Variants in COPA observed in about 807,000 individuals in gnomAD.
The protein encoded by COPA is coat protein complex I subunit alpha.
A neutral mutation model predicts 158.7 loss-of-function variants in COPA; 10 were observed. The observed-to-expected ratio is 0.06, with a 90% CI of 0.04 to 0.11. The LOEUF (loss-of-function observed/expected upper bound fraction) is 0.11. Ranked by LOEUF, COPA falls within the 10% of genes least tolerant of loss-of-function variation. The pLI is 1.00. For synonymous variants in COPA, 462 were observed against 542.8 expected, an observed-to-expected ratio of 0.85 and a Z score of 2.07; for missense variants, 1,065 against 1,536.7, an observed-to-expected ratio of 0.69 and a Z score of 5.13.
At position 160,338,785 on chromosome 1, in the gene COPA, G is replaced by A. The variant is rs144919115; in HGVS notation, c.228+1124C>T. Reference sequence around the variant, plus strand: ...CCTCTTGGTTCATCTCGAACCCCTCGAATCACTGTTTCCCATACTAACTCT... The same window carrying A: ...CCTCTTGGTTCATCTCGAACCCCTCAAATCACTGTTTCCCATACTAACTCT... On this transcript the variant is annotated intron_variant, in intron 3 of 32. Coordinates refer to ENST00000241704, the MANE Select transcript of COPA (RefSeq NM_004371.4). Among the ~76,000 whole-genome samples, 21 of 152,064 alleles carry A rather than the reference G, an allele frequency of 1.4e-4. 1 individual carries two copies. Among genetic ancestry groups the A allele is most frequent in the Admixed American group, 1.2e-3 (18 of 15,272 alleles).
At chr1:160,292,285 A>G in intron 28 of COPA, 87 bp from the exon 29 acceptor site, 1 of 1,560,876 alleles carries the variant, frequency 6.4e-7, no homozygotes, top group South Asian at 1.2e-5. Flanking sequence ...CCTCATAGCT[A>G]CCCTCCTGTC....
At chr1:160,340,377 AT>A (rs1647983081) in intron 1 of COPA, 83 bp from the exon 2 acceptor site, 2 of 839,564 alleles carry the variant, frequency 2.4e-6, no homozygotes, top group Non-Finnish European at 3.9e-6. Context: ...AAAAAGAAAC[AT>A]CAAGGTTAAT....
chr1:160,325,517 C>T (rs925123024), intron 7 of COPA, 26 bp downstream of exon 7: 3 of 1,569,836 alleles, frequency 1.9e-6, no homozygotes, highest in Non-Finnish European at 2.6e-6. Flanking sequence ...AGCCCATATT[C>T]AGCCCCTGGC....
chr1:160,341,683 C>T (rs1648056936), intron 1 of COPA, among the ~76,000 whole-genome samples: 1 of 152,116 alleles, frequency 6.6e-6, no homozygotes, highest in African/African-American at 2.4e-5. Context: ...AAATCTAAGA[C>T]CCTCCCCCCA....
chr1:160,308,972 C>G, intron 13 of COPA, 129 bp downstream of exon 13: 1 of 703,560 alleles, frequency 1.4e-6, no homozygotes, highest in Non-Finnish European at 2.5e-6. Flanking sequence ...CAATTGTCAG[C>G]AGCACCTGCC....
chr1:160,297,538 T>C lies in COPA; in HGVS notation c.2167+18A>G. 1 of 1,613,138 alleles carries C rather than the reference T, an allele frequency of 6.2e-7. No homozygotes were observed. Among genetic ancestry groups the C allele is most frequent in the Non-Finnish European group, 8.5e-7 (1 of 1,179,270 alleles). On this transcript the variant is annotated intron_variant, in intron 20 of 32. Transcript: ENST00000241704. Reference sequence around the variant, plus strand: ...CCCCCAAGAACCCCTCTTCCCATCCTTAGTTTGAGGGCCTCACCAATCTTC... The same window carrying C: ...CCCCCAAGAACCCCTCTTCCCATCCCTAGTTTGAGGGCCTCACCAATCTTC...
intron 8 of COPA, among the ~76,000 whole-genome samples, chr1:160,319,340 A>G (rs572666089): frequency 7.9e-5 from 12 of 152,014 alleles, no homozygotes; most frequent in African/African-American, 2.7e-4. Flanking sequence ...GGAAATAACA[A>G]TTATAAGTAT....
chr1:160,322,297 T>C (rs1450672219), intron 8 of COPA, among the ~76,000 whole-genome samples: 2 of 152,074 alleles, frequency 1.3e-5, no homozygotes, highest in African/African-American at 4.8e-5. Flanking sequence ...AGGACCCAGA[T>C]ATAAATCCAC....
chr1:160,311,578 T>C, intron 11 of COPA, among the ~76,000 whole-genome samples: 1 of 152,048 alleles, frequency 6.6e-6, no homozygotes, highest in Admixed American at 6.6e-5. Flanking sequence ...TGAAACCGTC[T>C]CTACTAAAAA....
In COPA at chr1:160,290,140, T is replaced by C. The variant is rs748562621; in HGVS notation, c.*17A>G. 5 of 1,613,456 alleles carry C rather than the reference T, an allele frequency of 3.1e-6. No homozygotes were observed. In the South Asian group the frequency reaches 3.3e-5, roughly 11 times the overall value. ...GGGGGAACATATGGTGACTGACCCA[T>C]GCACACAAAGGGGGCCTTAGCGAAA... On this transcript the variant is annotated 3_prime_UTR_variant, in exon 33 of 33. Transcript: ENST00000241704.
rs1658983340 is a variant in COPA, at chr1:160,312,024, G to A, written c.926-6C>T. 2 of 1,611,850 alleles carry A rather than the reference G, an allele frequency of 1.2e-6. No individual in the cohort carries two copies. Among genetic ancestry groups the A allele is most frequent in the South Asian group, 2.2e-5 (2 of 90,728 alleles). ...AATCATACCACCATCATGGCCTGGG[G>A]GACAGGGAGAGGAGGAGAAAAAATT... On this transcript the variant is annotated splice_region_variant and splice_polypyrimidine_tract_variant and intron_variant, in intron 10 of 32. Transcript: ENST00000241704.
At chr1:160,307,297 T>C in intron 13 of COPA, 52 bp from the exon 14 acceptor site, 3 of 1,561,488 alleles carry the variant, frequency 1.9e-6, no homozygotes, top group Non-Finnish European at 2.6e-6. Context: ...CACTGGCAGG[T>C]GACATAGTCG....
At chr1:160,313,564 G>A (rs201728747) in intron 9 of COPA, among the ~76,000 whole-genome samples, 87 of 152,110 alleles carry the variant, frequency 5.7e-4, no homozygotes, top group Non-Finnish European at 9.6e-4. Flanking sequence ...ACAGGCGCCC[G>A]CCACCACGCC....
At chr1:160,291,143 C>A (rs879222601) in intron 31 of COPA, among the ~76,000 whole-genome samples, 192 bp downstream of exon 31, 2 of 152,254 alleles carry the variant, frequency 1.3e-5, no homozygotes, top group South Asian at 4.1e-4. Flanking sequence ...AGTGCCATGT[C>A]TCAATAAACT....
chr1:160,332,439 G>A lies in COPA; in HGVS notation c.496+9C>T. ...TGACCAGGTTGTCCTCTGAACTTGG[G>A]CAGCTCACCAGAAATATCCCAAACG... On this transcript the variant is annotated intron_variant, in intron 6 of 32. Transcript: ENST00000241704. 2 of 1,597,576 alleles carry A rather than the reference G, an allele frequency of 1.3e-6. No individual in the cohort carries two copies. Among genetic ancestry groups the A allele is most frequent in the Non-Finnish European group, 1.7e-6 (2 of 1,171,400 alleles).
At chr1:160,307,342 T>C (rs1296634560) in intron 13 of COPA, 97 bp from the exon 14 acceptor site, 6 of 1,184,710 alleles carry the variant, frequency 5.1e-6, no homozygotes, top group Non-Finnish European at 7.6e-6. Context: ...CTGGATGCCA[T>C]CTTGGCTTTG....
At chr1:160,326,615 T>A (rs55872918) in intron 6 of COPA, among the ~76,000 whole-genome samples, 5,041 of 152,268 alleles carry the variant, frequency 0.033, 279 homozygotes, top group African/African-American at 0.12. Context: ...TCCAAATGGG[T>A]TACAGAAACT....
chr1:160,289,326 T>C lies in COPA; in HGVS notation c.*831A>G, dbSNP rs775607993. The C allele has an allele frequency of 7.2e-5, 11 of 152,152 alleles. No individual in the cohort carries two copies. The highest frequency in any genetic ancestry group is 1.6e-4 in the Non-Finnish European group (11 of 68,024). The allele number at this position is 152,152 out of a possible 1,614,324, so 9.4% of individuals were successfully genotyped here. On this transcript the variant is annotated 3_prime_UTR_variant, in exon 33 of 33. Transcript: ENST00000241704. Reference sequence around the variant, plus strand: ...GTGTGAGAAATATGAGAACAATAGTTGTAAAGAACAAATCAATAACCCGCA... The same window carrying C: ...GTGTGAGAAATATGAGAACAATAGTCGTAAAGAACAAATCAATAACCCGCA...
Position 160,292,163 on chromosome 1 carries a change from A to G in COPA, c.2996T>C (p.Val999Ala). ...DAGLKNGVPA[V>A]GLKLNDLIQR... ...GATGAGGTCATTAAGCTTCAGGCCC[A>G]CAGCTGGTACACCATTCTTCAGCCC... is the stretch of plus-strand genomic sequence containing the variant. Residue 999 changes from valine (V) to alanine (A), a missense_variant, in exon 29 of 33, where the codon GTG becomes GCG. By Grantham distance (64) the Val-to-Ala change is moderately conservative. Around this residue, in one of 2 missense-constraint regions of COPA, gnomAD observed 980 missense variants for 1,357.8 expected, o/e 0.72. Transcript: ENST00000241704. 1 of 1,613,636 alleles carries G rather than the reference A, an allele frequency of 6.2e-7. No homozygotes were observed. Among genetic ancestry groups the G allele is most frequent in the Non-Finnish European group, 8.5e-7 (1 of 1,180,000 alleles).
Sources: gnomAD v4.1 joint callset for allele counts (sites outside exome capture counted in the v4.1 genomes callset) on GRCh38, gnomAD v4.1.1 for gene constraint, gnomAD v4.1.1 regional missense constraint, MANE v1.5 for transcripts, NCBI Gene and HGNC (gene_info 2026-07-23, HGNC 2026-07-21) for gene names.